Variants in ARHGEF33 observed in about 807,000 individuals in gnomAD.
The protein encoded by ARHGEF33 is DH and coiled-coil domain-containing protein ENSP00000381780.
ARHGEF33 carries 72 observed loss-of-function variants against 101.9 expected under a neutral mutation model. The ratio of observed to expected loss-of-function variants is 0.71; its 90% CI spans 0.58 to 0.86. ARHGEF33 has a LOEUF of 0.86. ARHGEF33 is among the 40% of genes least tolerant of loss of function. The pLI is 0.00. For missense variants in ARHGEF33, 1,169 were observed against 1,111.3 expected (o/e 1.05, Z -0.74); for synonymous variants, 499 against 442.5 (o/e 1.13, Z -1.60).
chr2:38,968,701 C>G lies in ARHGEF33; in HGVS notation c.2483+2556C>G, dbSNP rs559938517. ...TTGCCACCACCAATACTGGTGCTGT[C>G]CTTTGTATTTAAAATCCGAAGTGTT... On this transcript the variant is annotated intron_variant, in intron 17 of 17. Coordinates refer to ENST00000409978, the MANE Select transcript of ARHGEF33 (RefSeq NM_001145451.5). Among the ~76,000 whole-genome samples the G allele has an allele frequency of 4.6e-5, 7 of 152,296 alleles. No individual in the cohort carries two copies. The South Asian group carries it at 1.4e-3, about 32-fold the overall frequency.
Position 38,956,888 on chromosome 2 carries a change from C to G in ARHGEF33, c.1222-11C>G. On this transcript the variant is annotated splice_polypyrimidine_tract_variant and intron_variant, in intron 13 of 17. Coordinates refer to ENST00000409978, the MANE Select transcript of ARHGEF33 (RefSeq NM_001145451.5). ...ATTATGCAATGCTACTTCCTTTTCC[C>G]CTCCATCCAGAACGTCCTGAAGTTC... 5 of 1,551,468 alleles carry G rather than the reference C, an allele frequency of 3.2e-6. No individual in the cohort carries two copies. The highest frequency in any genetic ancestry group is 3.5e-6 in the Non-Finnish European group (4 of 1,146,486).
intron 10 of ARHGEF33, among the ~76,000 whole-genome samples, chr2:38,945,882 G>C (rs1305012956): frequency 6.6e-6 from 1 of 152,194 alleles, no homozygotes; most frequent in African/African-American, 2.4e-5. Flanking sequence ...CTAAGGCCCA[G>C]AGAAGCTTAA....
At chr2:38,918,742 T>G (rs544240416) in intron 2 of ARHGEF33, among the ~76,000 whole-genome samples, 1 of 152,248 alleles carries the variant, frequency 6.6e-6, no homozygotes, top group South Asian at 2.1e-4. Flanking sequence ...TTTTTTCTCC[T>G]TAAGATAATT....
chr2:38,926,425 A>G (rs1409266611), intron 4 of ARHGEF33, among the ~76,000 whole-genome samples: 2 of 152,198 alleles, frequency 1.3e-5, no homozygotes, highest in Non-Finnish European at 2.9e-5. Context: ...TGTAGGGGCT[A>G]AAGATACTAA....
chr2:38,959,974 C>T lies in ARHGEF33; in HGVS notation c.1669C>T (p.Gln557Ter). 1 of 1,551,092 alleles carries T rather than the reference C, an allele frequency of 6.4e-7. No homozygotes were observed. The highest frequency in any genetic ancestry group is 8.7e-7 in the Non-Finnish European group (1 of 1,146,788). The change falls in exon 16 of 18, where the codon CAG (glutamine) becomes TAG (stop). Residue 557 changes from glutamine (Q) to a stop codon, truncating the protein, a stop_gained. Coordinates refer to ENST00000409978, the MANE Select transcript of ARHGEF33 (RefSeq NM_001145451.5). LOFTEE classifies it high-confidence loss of function. ...GCCCGAGAGCCTTCTGGCACCGACGCAGTTCTGCGCGGCCGAGCAGGACGT... is the reference window on the plus strand; with the variant it reads ...GCCCGAGAGCCTTCTGGCACCGACGTAGTTCTGCGCGGCCGAGCAGGACGT... ...ERPESLLAPT[Q>*]FCAAEQDVKA...
At chr2:38,950,013 A>G (rs1667559429) in intron 10 of ARHGEF33, among the ~76,000 whole-genome samples, 1 of 152,180 alleles carries the variant, frequency 6.6e-6, no homozygotes, top group African/African-American at 2.4e-5. Flanking sequence ...TCATGATACA[A>G]TCACCTCTCA....
intron 10 of ARHGEF33, among the ~76,000 whole-genome samples, chr2:38,946,076 TG>T (rs1279160957): frequency 6.6e-6 from 1 of 152,228 alleles, no homozygotes; most frequent in Non-Finnish European, 1.5e-5. Context: ...TCTTCCCTCT[TG>T]AACAGCCTGT....
rs187539473 is a variant in ARHGEF33 at position 38,974,068 on chromosome 2, A to C, written c.*225A>C. On this transcript the variant is annotated 3_prime_UTR_variant, in exon 18 of 18. Coordinates refer to ENST00000409978, the MANE Select transcript of ARHGEF33 (RefSeq NM_001145451.5). ...AAGATCTGGCTTTTTGAACCTCAAC[A>C]CTGGGGAAAAGGGAAATGAAGACTT... The C allele has an allele frequency of 1.0e-3, 187 of 183,130 alleles. No homozygotes were observed. Among genetic ancestry groups the C allele is most frequent in the African/African-American group, 3.9e-3 (167 of 42,286 alleles). 11.3% of individuals were successfully genotyped at this position (183,130 alleles called of 1,614,324 possible).
intron 3 of ARHGEF33, among the ~76,000 whole-genome samples, chr2:38,920,262 G>A (rs1052670527): frequency 2.0e-5 from 3 of 152,108 alleles, no homozygotes; most frequent in Admixed American, 1.3e-4. Flanking sequence ...AAGCTAAATG[G>A]ATAAGCAACG....
chr2:38,906,188 CA>C (rs70954773), intron 2 of ARHGEF33, among the ~76,000 whole-genome samples: 494 of 66,014 alleles, frequency 7.5e-3, no homozygotes, highest in African/African-American at 0.019. Context: ...GACTCTGTCT[CA>C]AAAAAAAAAA....
chr2:38,967,526 A>G (rs1223904461), intron 17 of ARHGEF33, among the ~76,000 whole-genome samples: 2 of 152,306 alleles, frequency 1.3e-5, no homozygotes, highest in Non-Finnish European at 2.9e-5. Flanking sequence ...TCAAGTTGAC[A>G]GGGGTGGGAG....
chr2:38,945,399 G>C lies in ARHGEF33; in HGVS notation c.920+1369G>C, dbSNP rs569503012. Among the ~76,000 whole-genome samples the C allele has an allele frequency of 2.1e-3, 313 of 152,282 alleles. 1 individual carries two copies. The highest frequency in any genetic ancestry group is 7.3e-3 in the African/African-American group (305 of 41,554). ...AAGAGTTATTTTACTACAAAACAGA[G>C]GTAAACCAAATATGAAGCAACAAGA... On this transcript the variant is annotated intron_variant, in intron 10 of 17. Coordinates refer to ENST00000409978, the MANE Select transcript of ARHGEF33 (RefSeq NM_001145451.5).
chr2:38,937,007 T>TG (rs1287391101), intron 8 of ARHGEF33: 1 of 149,614 alleles, frequency 6.7e-6, no homozygotes, highest in Non-Finnish European at 1.5e-5. Context: ...CTTTTTTTTT[T>TG]TTTTTGAGAC....
At chr2:38,903,249 T>C (rs1666289627) in intron 2 of ARHGEF33, among the ~76,000 whole-genome samples, 1 of 152,144 alleles carries the variant, frequency 6.6e-6, no homozygotes, top group African/African-American at 2.4e-5. Context: ...TAAAAAAAAC[T>C]ATGATAACTG....
intron 7 of ARHGEF33, among the ~76,000 whole-genome samples, chr2:38,933,974 A>C (rs966747406): frequency 6.6e-6 from 1 of 152,166 alleles, no homozygotes; most frequent in African/African-American, 2.4e-5. Context: ...AGTATACCTT[A>C]CCTTTAGGTT....
At chr2:38,923,211 A>G (rs1292307549) in intron 4 of ARHGEF33, among the ~76,000 whole-genome samples, 1 of 152,204 alleles carries the variant, frequency 6.6e-6, no homozygotes, top group Non-Finnish European at 1.5e-5. Flanking sequence ...AAGTTGGTCT[A>G]TATGACCTCT....
intron 7 of ARHGEF33, among the ~76,000 whole-genome samples, chr2:38,933,264 G>C (rs551096997): frequency 6.6e-6 from 1 of 152,282 alleles, no homozygotes; most frequent in South Asian, 2.1e-4. Context: ...GCAGGCTCCA[G>C]TTCTTGTAAC....
chr2:38,956,446 G>A (rs141536782), intron 13 of ARHGEF33, among the ~76,000 whole-genome samples: 125 of 152,320 alleles, frequency 8.2e-4, no homozygotes, highest in African/African-American at 2.5e-3. Context: ...CAAGTCCTAG[G>A]CATGTTCCAC....
At chr2:38,973,525 T>C (rs1668211605) in intron 17 of ARHGEF33, among the ~76,000 whole-genome samples, 189 bp from the exon 18 acceptor site, 1 of 152,224 alleles carries the variant, frequency 6.6e-6, no homozygotes, top group Admixed American at 6.5e-5. Context: ...ATTAGAAAGA[T>C]ATTCTCTTTA....
Sources: gnomAD v4.1 joint callset for allele counts (sites outside exome capture counted in the v4.1 genomes callset) on GRCh38, gnomAD v4.1.1 for gene constraint, MANE v1.5 for transcripts, NCBI Gene and HGNC (gene_info 2026-07-23, HGNC 2026-07-21) for gene names.